GPC6: variants seen among roughly 807,000 people sequenced by gnomAD.
GPC6 encodes the protein glypican 6.
GPC6 carries 14 observed loss-of-function variants against 55.2 expected under a neutral mutation model. The ratio of observed to expected loss-of-function variants is 0.25; its 90% CI spans 0.17 to 0.40. The LOEUF (loss-of-function observed/expected upper bound fraction) is 0.40, where lower values mean the gene tolerates loss of function less well. GPC6 is among the 10% of genes least tolerant of loss of function. GPC6 has a pLI of 1.00. For missense variants in GPC6, 641 were observed against 708.5 expected (o/e 0.90, Z 1.08); for synonymous variants, 278 against 259.6 (o/e 1.07, Z -0.68).
intron 3 of GPC6, among the ~76,000 whole-genome samples, chr13:93,838,173 A>G (rs1292761136): frequency 6.6e-6 from 1 of 152,224 alleles, no homozygotes; most frequent in Non-Finnish European, 1.5e-5. Flanking sequence ...GGGAAAAACA[A>G]TGAATGGCAT....
chr13:94,339,572 C>T lies in GPC6; in HGVS notation c.1152+33449C>T, dbSNP rs191070292. On this transcript the variant is annotated intron_variant, in intron 6 of 8. Coordinates refer to ENST00000377047, the MANE Select transcript of GPC6 (RefSeq NM_005708.5). ...CACTGTTATGTTAGAACTCTGAGAACAGGAATGCATGAAAAGATCAAGGGT... is the reference window on the plus strand; with the variant it reads ...CACTGTTATGTTAGAACTCTGAGAATAGGAATGCATGAAAAGATCAAGGGT... 1.6e-4 allele frequency among the ~76,000 whole-genome samples: 24 copies of T among 151,994 alleles called. No individual in the cohort carries two copies. In the East Asian group the frequency reaches 3.3e-3, roughly 21 times the overall value.
chr13:93,762,437 T>C (rs1293345230), intron 2 of GPC6, among the ~76,000 whole-genome samples: 3 of 152,186 alleles, frequency 2.0e-5, no homozygotes, highest in Non-Finnish European at 2.9e-5. Flanking sequence ...CAATAAATGC[T>C]TCTTGACCTG....
At chr13:93,935,132 T>A (rs1255742714) in intron 3 of GPC6, among the ~76,000 whole-genome samples, 7 of 152,202 alleles carry the variant, frequency 4.6e-5, no homozygotes, top group Admixed American at 1.3e-4. Flanking sequence ...TAATTTTAGG[T>A]TTGGGTGGTA....
chr13:93,331,350 A>C (rs148599391), intron 1 of GPC6, among the ~76,000 whole-genome samples: 1 of 152,212 alleles, frequency 6.6e-6, no homozygotes, highest in African/African-American at 2.4e-5. Context: ...TCCAAATTGA[A>C]ATTTTCCTTT....
At chr13:93,254,590 A>G (rs996830937) in intron 1 of GPC6, among the ~76,000 whole-genome samples, 7 of 152,128 alleles carry the variant, frequency 4.6e-5, no homozygotes, top group African/African-American at 1.7e-4. Context: ...TCAAGATCTG[A>G]CTTGCTTTAT....
chr13:93,827,528 G>T (rs1887307673), intron 2 of GPC6, among the ~76,000 whole-genome samples: 1 of 152,100 alleles, frequency 6.6e-6, no homozygotes, highest in Non-Finnish European at 1.5e-5. Flanking sequence ...GTCATAATTG[G>T]CTGATACATT....
chr13:93,942,378 G>C (rs1323413853), intron 3 of GPC6, among the ~76,000 whole-genome samples: 1 of 152,114 alleles, frequency 6.6e-6, no homozygotes, highest in African/African-American at 2.4e-5. Flanking sequence ...GGAGTGTAGT[G>C]GTACAAACAT....
intron 1 of GPC6, among the ~76,000 whole-genome samples, chr13:93,235,412 T>C (rs895050729): frequency 3.3e-5 from 5 of 152,150 alleles, no homozygotes; most frequent in Admixed American, 6.5e-5. Context: ...CTCAGGTTCT[T>C]GGCAGAGAGG....
At chr13:93,424,562 C>T (rs1249488601) in intron 1 of GPC6, among the ~76,000 whole-genome samples, 1 of 152,064 alleles carries the variant, frequency 6.6e-6, no homozygotes, top group Admixed American at 6.6e-5. Context: ...CTCTAAAAAT[C>T]TTTTAAGACT....
chr13:94,117,991 A>T (rs1384041882), intron 4 of GPC6, among the ~76,000 whole-genome samples: 1 of 152,128 alleles, frequency 6.6e-6, no homozygotes, highest in Non-Finnish European at 1.5e-5. Flanking sequence ...CTGCTTTAAC[A>T]TATCCAAAAT....
chr13:94,260,277 C>T (rs565079396), intron 4 of GPC6, among the ~76,000 whole-genome samples: 13 of 152,170 alleles, frequency 8.5e-5, no homozygotes, highest in Non-Finnish European at 1.5e-4. Flanking sequence ...CAGAAGTATG[C>T]AAGCTGTGCT....
In GPC6 at chr13:93,319,930, C is replaced by A. The variant is rs373092615; in HGVS notation, c.160+92314C>A. 8.4e-4 allele frequency among the ~76,000 whole-genome samples: 128 copies of A among 152,128 alleles called. 1 individual carries two copies. The highest frequency in any genetic ancestry group is 2.5e-3 in the African/African-American group (102 of 41,512). ...GTGGAAACTAGAAGTGAAAGAAAAT[C>A]GCAAAACAATAGCTGTTTGACAGCT... On this transcript the variant is annotated intron_variant, in intron 1 of 8. Coordinates refer to ENST00000377047, the MANE Select transcript of GPC6 (RefSeq NM_005708.5).
At chr13:93,286,449 G>C (rs1483219692) in intron 1 of GPC6, among the ~76,000 whole-genome samples, 3 of 152,162 alleles carry the variant, frequency 2.0e-5, no homozygotes, top group African/African-American at 7.2e-5. Flanking sequence ...GCAGAACAAA[G>C]CTCAGAGGAT....
intron 3 of GPC6, among the ~76,000 whole-genome samples, chr13:93,912,992 A>G (rs1264505378): frequency 1.3e-5 from 2 of 151,998 alleles, no homozygotes; most frequent in African/African-American, 2.4e-5. Flanking sequence ...CCTTTCTCCT[A>G]TAAAGACACC....
chr13:94,019,404 G>C (rs1016487694), intron 3 of GPC6, among the ~76,000 whole-genome samples: 2 of 152,124 alleles, frequency 1.3e-5, no homozygotes, highest in Non-Finnish European at 2.9e-5. Flanking sequence ...TAGTTCAGGC[G>C]CTTAGAAGTC....
intron 8 of GPC6, among the ~76,000 whole-genome samples, chr13:94,400,653 A>G (rs1194716787): frequency 1.3e-5 from 2 of 152,146 alleles, no homozygotes; most frequent in African/African-American, 2.4e-5. Flanking sequence ...GGACATTAGA[A>G]GAGTCCCTAC....
intron 2 of GPC6, among the ~76,000 whole-genome samples, chr13:93,560,192 TGA>T (rs1295182373): frequency 6.6e-6 from 1 of 152,030 alleles, no homozygotes; most frequent in African/African-American, 2.4e-5. Context: ...TAGATGAAGT[TGA>T]GGAAAGTATT....
chr13:94,300,765 T>C (rs1875607369), intron 5 of GPC6, among the ~76,000 whole-genome samples: 1 of 152,222 alleles, frequency 6.6e-6, no homozygotes, highest in Admixed American at 6.5e-5. Flanking sequence ...ATACCGATTC[T>C]GTTTCTTAAA....
At chr13:93,532,595 A>C (rs1881909824) in intron 1 of GPC6, among the ~76,000 whole-genome samples, 2 of 152,142 alleles carry the variant, frequency 1.3e-5, no homozygotes, top group South Asian at 4.1e-4. Flanking sequence ...CTGCTTTCTA[A>C]GACTGCTTTG....
Sources: gnomAD v4.1 joint callset for allele counts (sites outside exome capture counted in the v4.1 genomes callset) on GRCh38, gnomAD v4.1.1 for gene constraint, MANE v1.5 for transcripts, NCBI Gene and HGNC (gene_info 2026-07-23, HGNC 2026-07-21) for gene names.